DTX3: variants seen among roughly 807,000 people sequenced by gnomAD.
DTX3 encodes E3 ubiquitin-protein ligase DTX3.
In DTX3, 10 loss-of-function variants were observed where a neutral mutation model predicts 27.4. The observed-to-expected ratio is 0.36, with a 90% CI of 0.22 to 0.62. The LOEUF (loss-of-function observed/expected upper bound fraction) is 0.62. Among genes scored for constraint, DTX3 ranks in the 20% least tolerant of loss-of-function variants. The pLI is 0.68. For missense variants in DTX3, 319 were observed against 463.8 expected, an observed-to-expected ratio of 0.69 and a Z score of 2.87; for synonymous variants, 171 against 190.7, an observed-to-expected ratio of 0.90 and a Z score of 0.85.
At chr12:57,604,967 C>T (rs1883645867) in intron 1 of DTX3, 109 bp downstream of exon 1, 1 of 152,150 alleles carries the variant, frequency 6.6e-6, no homozygotes, top group African/African-American at 2.4e-5. Context: ...CTCCCCTCCC[C>T]GCGCGCGGCT....
In DTX3 at chr12:57,609,251, G is replaced by C. The variant is rs1883907602; in HGVS notation, c.*99G>C. The C allele has an allele frequency of 9.2e-7, 1 of 1,086,988 alleles. No homozygotes were observed. Among genetic ancestry groups the C allele is most frequent in the Non-Finnish European group, 1.4e-6 (1 of 724,596 alleles). The allele number at this position is 1,086,988 out of a possible 1,614,324, so 67.3% of individuals were successfully genotyped here. On this transcript the variant is annotated 3_prime_UTR_variant, in exon 7 of 7. Coordinates refer to ENST00000337737, the MANE Select transcript of DTX3 (RefSeq NM_178502.4). ...GCCCCCTGCCCCCCACACCACACCT[G>C]TAGGGGACCTGTCTGACTGGGAAGG...
Position 57,607,665 on chromosome 12 carries a change from C to G in DTX3, c.750+52C>G. 1 of 1,610,504 alleles carries G rather than the reference C, an allele frequency of 6.2e-7. No homozygotes were observed. Among genetic ancestry groups the G allele is most frequent in the Non-Finnish European group, 8.5e-7 (1 of 1,177,306 alleles). On this transcript the variant is annotated intron_variant, in intron 5 of 6. Coordinates refer to ENST00000337737, the MANE Select transcript of DTX3 (RefSeq NM_178502.4). This position sits in a 1 kb window ranked among gnomAD's most constrained non-coding sequence, Gnocchi z 7.7. The stretch of plus-strand genomic sequence containing the variant: ...CCTTTGGCTTTCCCCAAGCTCTGAC[C>G]TAGGAAAACCGGGTGAGGGTGAGTG...
rs1883919477 is a variant in DTX3, at chr12:57,609,421, C to T, written c.*269C>T. On this transcript the variant is annotated 3_prime_UTR_variant, in exon 7 of 7. Coordinates refer to ENST00000337737, the MANE Select transcript of DTX3 (RefSeq NM_178502.4). The stretch of plus-strand genomic sequence containing the variant: ...CCGTGTACATATACTCCCGGTTTCC[C>T]TGCCCCTCCATTGCCCTTGGCTTTT... 1 of 475,130 alleles carries T rather than the reference C, an allele frequency of 2.1e-6. No individual in the cohort carries two copies. Among genetic ancestry groups the T allele is most frequent in the Non-Finnish European group, 3.8e-6 (1 of 260,690 alleles). 29.4% of individuals were successfully genotyped at this position (475,130 alleles called of 1,614,324 possible). A position where few individuals can be genotyped will look rare whatever the true frequency, so the allele number is the denominator to read the frequency against.
At position 57,609,077 on chromosome 12, in the gene DTX3, G is replaced by A. The variant is rs369658430; in HGVS notation, c.969G>A (p.Leu323=). ...HKTSCTGGPQ[L]FGYPDPTYLT... is the part of the protein sequence containing the mutation. ...CACCCTCATTTCTCTTTGCTCCCAGGTTTGGGTACCCAGACCCCACCTACC... is the reference window on the plus strand; with the variant it reads ...CACCCTCATTTCTCTTTGCTCCCAGATTTGGGTACCCAGACCCCACCTACC... Residue 323 remains leucine, a splice_region_variant and synonymous_variant, in exon 7 of 7, where the codon CTG becomes CTA. Transcript: ENST00000337737. 1 of 1,614,062 alleles carries A rather than the reference G, an allele frequency of 6.2e-7. No homozygotes were observed. The highest frequency in any genetic ancestry group is 8.5e-7 in the Non-Finnish European group (1 of 1,179,936).
Position 57,608,105 on chromosome 12 carries a change from G to A in DTX3, c.751-415G>A, listed in dbSNP as rs1209987254. 2.0e-5 allele frequency among the ~76,000 whole-genome samples: 3 copies of A among 152,238 alleles called. No individual in the cohort carries two copies. Among genetic ancestry groups the A allele is most frequent in the Non-Finnish European group, 4.4e-5 (3 of 68,040 alleles). ...AGAGGGGTGAAGAAGCTGCACAGAA[G>A]AGTGATGGAAAATGGAACAAGTTAG... On this transcript the variant is annotated intron_variant, in intron 5 of 6. Transcript: ENST00000337737. This position sits in a 1 kb window ranked among gnomAD's most constrained non-coding sequence, Gnocchi z 6.1.
In DTX3 at chr12:57,606,177, C is replaced by T; in HGVS notation, c.-138-13C>T. On this transcript the variant is annotated splice_polypyrimidine_tract_variant and intron_variant, in intron 2 of 6. Coordinates refer to ENST00000337737, the MANE Select transcript of DTX3 (RefSeq NM_178502.4). ...TTTGCCATCATAACTTTTTACCCTT[C>T]CCCCACTCCCAGTCCTGGTCAGCTG... 1 of 287,236 alleles carries T rather than the reference C, an allele frequency of 3.5e-6. No individual in the cohort carries two copies. The allele number at this position is 287,236 out of a possible 1,614,324, so 17.8% of individuals were successfully genotyped here.
Position 57,609,232 on chromosome 12 carries a change from T to C in DTX3, c.*80T>C, listed in dbSNP as rs1483446416. On this transcript the variant is annotated 3_prime_UTR_variant, in exon 7 of 7. Transcript: ENST00000337737. ...AAGCCTCTTTCTCCTCTCTGCCCCC[T>C]GCCCCCCACACCACACCTGTAGGGG... 7.6e-7 allele frequency: 1 copy of C among 1,323,024 alleles called. No homozygotes were observed. The highest frequency in any genetic ancestry group is 1.1e-6 in the Non-Finnish European group (1 of 926,450). 82.0% of individuals were successfully genotyped at this position (1,323,024 alleles called of 1,614,324 possible).
rs765319327 is a variant in DTX3, at chr12:57,609,101, C to T, written c.993C>T (p.Tyr331=). ...GGTTTGGGTACCCAGACCCCACCTA[C>T]CTGACCCGGGTGCAAGAGGAGCTGA... is the stretch of plus-strand genomic sequence containing the variant. The part of the protein sequence containing the change: ...PQLFGYPDPT[Y]LTRVQEELRA... Residue 331 remains tyrosine, a synonymous_variant, in exon 7 of 7, where the codon TAC becomes TAT. Transcript: ENST00000337737. 2 of 1,614,174 alleles carry T rather than the reference C, an allele frequency of 1.2e-6. No homozygotes were observed. Among genetic ancestry groups the T allele is most frequent in the East Asian group, 4.5e-5 (2 of 44,878 alleles).
In DTX3 at chr12:57,606,966, G is replaced by A. The variant is rs1436670601; in HGVS notation, c.103G>A (p.Ala35Thr). 1.2e-6 allele frequency: 2 copies of A among 1,614,226 alleles called. No homozygotes were observed. The highest frequency in any genetic ancestry group is 4.5e-5 in the East Asian group (2 of 44,884). The change falls in exon 5 of 7, where the codon GCC becomes ACC. Residue 35 changes from alanine (A) to threonine (T), a missense_variant. Ala to Thr is a moderately conservative substitution (Grantham distance 58). Around this residue, in one of 2 missense-constraint regions of DTX3, gnomAD observed 202 missense variants for 205.3 expected, o/e 0.98. Coordinates refer to ENST00000337737, the MANE Select transcript of DTX3 (RefSeq NM_178502.4). ...GGACTTCCTGAGCAAAGAGACCCCA[G>A]CCCGGCTGGCCCGGCTTCGGGAGGA... is the stretch of plus-strand genomic sequence containing the variant. ...VWDFLSKETP[A>T]RLARLREEHR... is the part of the protein sequence containing the mutation.
rs1407622292 is a variant in DTX3 at position 57,609,418 on chromosome 12, T to C, written c.*266T>C. The stretch of plus-strand genomic sequence containing the variant: ...TCCCCGTGTACATATACTCCCGGTT[T>C]CCCTGCCCCTCCATTGCCCTTGGCT... On this transcript the variant is annotated 3_prime_UTR_variant, in exon 7 of 7. Transcript: ENST00000337737. The C allele has an allele frequency of 2.1e-6, 1 of 473,642 alleles. No individual in the cohort carries two copies. The highest frequency in any genetic ancestry group is 3.8e-6 in the Non-Finnish European group (1 of 259,750). The allele number at this position is 473,642 out of a possible 1,614,324, so 29.3% of individuals were successfully genotyped here. A position where few individuals can be genotyped will look rare whatever the true frequency, so the allele number is the denominator to read the frequency against.
intron 2 of DTX3, chr12:57,605,973 C>T (rs992105897): frequency 6.5e-6 from 1 of 152,836 alleles, no homozygotes; most frequent in Non-Finnish European, 1.5e-5. Flanking sequence ...CCTGACTTCT[C>T]TTATGTGTGC....
In DTX3 at chr12:57,608,814, C is replaced by T. The variant is rs762262585; in HGVS notation, c.968+77C>T. 29 of 1,517,214 alleles carry T rather than the reference C, an allele frequency of 1.9e-5. No individual in the cohort carries two copies. The highest frequency in any genetic ancestry group is 3.7e-5 in the Admixed American group (2 of 53,952). The allele number at this position is 1,517,214 out of a possible 1,614,324, so 94.0% of individuals were successfully genotyped here. ...TCCACTGAGGGACCCACCAACCCCT[C>T]GCTCACGGAGCCTCCTAACTGGAGA... is the stretch of plus-strand genomic sequence containing the variant. On this transcript the variant is annotated intron_variant, in intron 6 of 6. Transcript: ENST00000337737. The surrounding 1 kb of genome is among the most constrained non-coding windows in gnomAD (Gnocchi z 6.1).
At position 57,607,721 on chromosome 12, in the gene DTX3, C is replaced by A; in HGVS notation, c.750+108C>A. 1.4e-6 allele frequency: 2 copies of A among 1,463,526 alleles called. No individual in the cohort carries two copies. Among genetic ancestry groups the A allele is most frequent in the Non-Finnish European group, 9.4e-7 (1 of 1,058,776 alleles). 90.7% of individuals were successfully genotyped at this position (1,463,526 alleles called of 1,614,324 possible). On this transcript the variant is annotated intron_variant, in intron 5 of 6. Transcript: ENST00000337737. This position sits in a 1 kb window ranked among gnomAD's most constrained non-coding sequence, Gnocchi z 7.7. ...GTTAGATGTGAGACAGTCTTGCTGTCTTCCACTGTGCCCTCCTACTCAGTG... is the reference window on the plus strand; with the variant it reads ...GTTAGATGTGAGACAGTCTTGCTGTATTCCACTGTGCCCTCCTACTCAGTG...
rs768806767 is a variant in DTX3, at chr12:57,606,449, C to T, written c.-69C>T. On this transcript the variant is annotated 5_prime_UTR_variant, in exon 4 of 7. It adds an upstream start codon to the 5' untranslated region. Coordinates refer to ENST00000337737, the MANE Select transcript of DTX3 (RefSeq NM_178502.4). The stretch of plus-strand genomic sequence containing the variant: ...CATTTTTCCGCCCTACCAGGTCACA[C>T]GACCTACAAGTAGGGAGCAGGGAAA... The T allele has an allele frequency of 6.0e-5, 96 of 1,610,694 alleles. 1 individual carries two copies. Among genetic ancestry groups the T allele is most frequent in the South Asian group, 2.8e-4 (25 of 90,378 alleles).
intron 3 of DTX3, 65 bp downstream of exon 3, chr12:57,606,317 A>C (rs1883715339): frequency 1.5e-6 from 1 of 671,648 alleles, no homozygotes; most frequent in Admixed American, 3.2e-5. Flanking sequence ...TCCATGTTCC[A>C]AGTAATGCCA....
In DTX3 at chr12:57,606,497, T is replaced by C; in HGVS notation, c.-21T>C. ...AAAGAAGAGTGAGCCTGCATGCCAA[T>C]TCTAAGCTCTTCAGGATCAAAGTAA... is the stretch of plus-strand genomic sequence containing the variant. On this transcript the variant is annotated 5_prime_UTR_variant, in exon 4 of 7. Transcript: ENST00000337737. 1.2e-6 allele frequency: 2 copies of C among 1,614,020 alleles called. No individual in the cohort carries two copies. Among genetic ancestry groups the C allele is most frequent in the Non-Finnish European group, 1.7e-6 (2 of 1,180,000 alleles).
intron 4 of DTX3, 126 bp downstream of exon 4, chr12:57,606,644 T>G: frequency 7.0e-7 from 1 of 1,421,606 alleles, no homozygotes. Context: ...GACTGATACT[T>G]GGCTTAGATG....
chr12:57,606,959 G>T lies in DTX3; in HGVS notation c.96G>T (p.Glu32Asp), dbSNP rs375320539. 2.5e-6 allele frequency: 4 copies of T among 1,614,106 alleles called. No homozygotes were observed. Among genetic ancestry groups the T allele is most frequent in the Non-Finnish European group, 3.4e-6 (4 of 1,180,058 alleles). ...SKPVWDFLSK[E>D]TPARLARLRE... Reference sequence around the variant, plus strand: ...CCGTGTGGGACTTCCTGAGCAAAGAGACCCCAGCCCGGCTGGCCCGGCTTC... The same window carrying T: ...CCGTGTGGGACTTCCTGAGCAAAGATACCCCAGCCCGGCTGGCCCGGCTTC... The change falls in exon 5 of 7, where the codon GAG (glutamate) becomes GAT (aspartate). Residue 32 changes from glutamate (E) to aspartate (D), a missense_variant. Physicochemically the swap from Glu to Asp is conservative, Grantham distance 45. Coordinates refer to ENST00000337737, the MANE Select transcript of DTX3 (RefSeq NM_178502.4).
In DTX3 at chr12:57,607,303, C is replaced by T. The variant is rs750594139; in HGVS notation, c.440C>T (p.Pro147Leu). 42 of 1,584,730 alleles carry T rather than the reference C, an allele frequency of 2.7e-5. No individual in the cohort carries two copies. In the Admixed American group the frequency reaches 7.1e-4, roughly 27 times the overall value. ...GLPPPPPPLP[P>L]PLPPRLREEA... ...CCCCCTCCTCCTCCCCCCCTGCCCC[C>T]ACCTCTTCCTCCTCGCCTTCGGGAG... is the stretch of plus-strand genomic sequence containing the variant. Residue 147 changes from proline (P) to leucine (L), a missense_variant, in exon 5 of 7, where the codon CCA (proline) becomes CTA (leucine). This residue lies in a region of DTX3 where 202 missense variants were observed against 205.3 expected (regional missense o/e 0.98). Transcript: ENST00000337737. This position sits in a 1 kb window ranked among gnomAD's most constrained non-coding sequence, Gnocchi z 7.7.
Sources: gnomAD v4.1 joint callset for allele counts (sites outside exome capture counted in the v4.1 genomes callset) on GRCh38, gnomAD v4.1.1 for gene constraint, gnomAD v4.1.1 regional missense constraint, Gnocchi (gnomAD v3.1) non-coding constraint, MANE v1.5 for transcripts, NCBI Gene and HGNC (gene_info 2026-07-23, HGNC 2026-07-21) for gene names.